SHANK2: variants seen among roughly 807,000 people sequenced by gnomAD.
The protein encoded by SHANK2 is SH3 and multiple ankyrin repeat domains protein 2.
A neutral mutation model predicts 133.7 loss-of-function variants in SHANK2; 43 were observed. That is an observed-to-expected ratio of 0.32 (90% CI 0.25 to 0.41). SHANK2 has a LOEUF of 0.41. Among genes scored for constraint, SHANK2 ranks in the 10% least tolerant of loss-of-function variants. The probability of loss-of-function intolerance (pLI) is 1.00; values close to 1 mark genes in which losing one functional copy is unlikely to be tolerated. For missense variants in SHANK2, 1,994 were observed against 2,235.8 expected (o/e 0.89, Z 2.18); for synonymous variants, 1,017 against 952.8 (o/e 1.07, Z -1.24).
chr11:70,697,405 T>C (rs1242538328), intron 15 of SHANK2, among the ~76,000 whole-genome samples: 5 of 152,142 alleles, frequency 3.3e-5, no homozygotes, highest in Non-Finnish European at 7.3e-5. Flanking sequence ...AAAGATCACG[T>C]AGCGGCTGAT....
intron 17 of SHANK2, among the ~76,000 whole-genome samples, chr11:70,577,329 C>A (rs2060128334): frequency 6.6e-6 from 1 of 152,210 alleles, no homozygotes; most frequent in Non-Finnish European, 1.5e-5. Flanking sequence ...AATGACCCAA[C>A]CATGTGGAGA....
chr11:70,871,112 T>C (rs976219444), intron 11 of SHANK2, among the ~76,000 whole-genome samples: 2 of 152,218 alleles, frequency 1.3e-5, no homozygotes, highest in African/African-American at 4.8e-5. Flanking sequence ...TCAGTCCTAC[T>C]GGATTAGGGC....
intron 14 of SHANK2, among the ~76,000 whole-genome samples, chr11:70,781,986 C>A (rs7938121): frequency 0.78 from 118,355 of 151,834 alleles, 47,110 homozygotes; most frequent in East Asian, 0.98. Flanking sequence ...GCTGGAAACC[C>A]TCATTCTCAG....
intron 12 of SHANK2, among the ~76,000 whole-genome samples, chr11:70,808,324 C>T (rs1948207156): frequency 6.6e-6 from 1 of 152,044 alleles, no homozygotes; most frequent in Non-Finnish European, 1.5e-5. Flanking sequence ...GCCTCAGCCT[C>T]CTGAGTACCT....
intron 2 of SHANK2, among the ~76,000 whole-genome samples, chr11:71,164,190 C>T (rs1376437148): frequency 6.6e-6 from 1 of 152,106 alleles, no homozygotes; most frequent in African/African-American, 2.4e-5. Context: ...GTGTGGCAGT[C>T]AAGACTAGCC....
intron 14 of SHANK2, among the ~76,000 whole-genome samples, chr11:70,730,846 T>C (rs1946275959): frequency 1.3e-5 from 1 of 76,976 alleles, no homozygotes; most frequent in Non-Finnish European, 2.5e-5. Flanking sequence ...TTTTTTTTTG[T>C]AATTTAGGTG....
chr11:70,942,713 T>C, intron 10 of SHANK2: 1 of 456,614 alleles, frequency 2.2e-6, no homozygotes, highest in South Asian at 1.5e-5. Context: ...GGATTATAAG[T>C]ATCTCACCAA....
At chr11:70,557,570 G>A (rs1168080187) in intron 17 of SHANK2, among the ~76,000 whole-genome samples, 1 of 152,168 alleles carries the variant, frequency 6.6e-6, no homozygotes, top group Non-Finnish European at 1.5e-5. Flanking sequence ...CTAAAGCCGG[G>A]AGCAGGGAGC....
chr11:70,678,110 T>C (rs1186505315), intron 15 of SHANK2, among the ~76,000 whole-genome samples: 3 of 152,150 alleles, frequency 2.0e-5, no homozygotes, highest in Admixed American at 1.3e-4. Context: ...GACTTCCTGA[T>C]TTCCTTCTCA....
At chr11:70,653,470 T>C (rs1379416124) in intron 17 of SHANK2, among the ~76,000 whole-genome samples, 2 of 147,956 alleles carry the variant, frequency 1.4e-5, no homozygotes, top group Non-Finnish European at 3.0e-5. Context: ...CAAGACAGAG[T>C]CTTGCTCTGT....
intron 17 of SHANK2, among the ~76,000 whole-genome samples, chr11:70,582,909 G>T (rs2060202269): frequency 2.6e-5 from 4 of 152,334 alleles, no homozygotes; most frequent in South Asian, 2.1e-4. Context: ...ACCCTCAGGT[G>T]TTGGTGAGGT....
In SHANK2 at chr11:71,112,599, T is replaced by C. The variant is rs565415134; in HGVS notation, c.483+694A>G. Reference sequence around the variant, plus strand: ...ACCCCATGCTCTGCAGGGAGTGCAATTGGGCTCTCCTTAGGAACAGCACCA... The same window carrying C: ...ACCCCATGCTCTGCAGGGAGTGCAACTGGGCTCTCCTTAGGAACAGCACCA... On this transcript the variant is annotated intron_variant, in intron 5 of 25. Coordinates refer to ENST00000601538, the MANE Select transcript of SHANK2 (RefSeq NM_012309.5). Among the ~76,000 whole-genome samples the C allele has an allele frequency of 1.6e-3, 243 of 152,168 alleles. No individual in the cohort carries two copies. In the Middle Eastern group the frequency reaches 0.017, roughly 11 times the overall value.
At chr11:71,069,153 C>T (rs1951108830) in intron 9 of SHANK2, among the ~76,000 whole-genome samples, 1 of 151,620 alleles carries the variant, frequency 6.6e-6, no homozygotes, top group Non-Finnish European at 1.5e-5. Flanking sequence ...TCACTATCAC[C>T]ATGACCACCC....
intron 17 of SHANK2, among the ~76,000 whole-genome samples, chr11:70,558,311 T>C (rs1232652057): frequency 6.6e-6 from 1 of 152,208 alleles, no homozygotes; most frequent in Non-Finnish European, 1.5e-5. Flanking sequence ...CTCTGGACAA[T>C]GCCACGGGAG....
intron 14 of SHANK2, among the ~76,000 whole-genome samples, chr11:70,735,898 C>T (rs533543028): frequency 6.6e-6 from 1 of 152,080 alleles, no homozygotes; most frequent in South Asian, 2.1e-4. Context: ...AAACCCTACA[C>T]CCATCACCAT....
In SHANK2 at chr11:71,094,501, C is replaced by G. The variant is rs543895770; in HGVS notation, c.744+36G>C. 11 of 1,536,310 alleles carry G rather than the reference C, an allele frequency of 7.2e-6. No individual in the cohort carries two copies. The East Asian group carries it at 2.7e-4, about 38-fold the overall frequency. On this transcript the variant is annotated intron_variant, in intron 7 of 25. Coordinates refer to ENST00000601538, the MANE Select transcript of SHANK2 (RefSeq NM_012309.5). The stretch of plus-strand genomic sequence containing the variant: ...GGGGCAGCCGCACGGAATCAGAGCA[C>G]GGGGTGGCACCCAAGTAAGATGGGC...
intron 13 of SHANK2, among the ~76,000 whole-genome samples, chr11:70,799,259 A>G (rs911639098): frequency 1.8e-4 from 28 of 152,098 alleles, no homozygotes; most frequent in African/African-American, 6.5e-4. Context: ...TTAGCTGGGC[A>G]TGGTGGCCCA....
intron 11 of SHANK2, among the ~76,000 whole-genome samples, chr11:70,875,287 G>A (rs1375227010): frequency 6.6e-6 from 1 of 152,082 alleles, no homozygotes; most frequent in East Asian, 1.9e-4. Flanking sequence ...TCCGCCCCCA[G>A]TAGAGCTCTG....
rs372711420 is a variant in SHANK2 at position 70,594,973 on chromosome 11, G to A, written c.2061+64855C>T. 6.6e-5 allele frequency among the ~76,000 whole-genome samples: 10 copies of A among 152,226 alleles called. No homozygotes were observed. The East Asian group carries it at 1.5e-3, about 24-fold the overall frequency. On this transcript the variant is annotated intron_variant, in intron 17 of 25. Coordinates refer to ENST00000601538, the MANE Select transcript of SHANK2 (RefSeq NM_012309.5). Reference sequence around the variant, plus strand: ...GACCCTGAACAAATGATGAGAGAAGGGCTTCAGGGCCGGGAGCCGGGAGCC... The same window carrying A: ...GACCCTGAACAAATGATGAGAGAAGAGCTTCAGGGCCGGGAGCCGGGAGCC...
Sources: allele counts gnomAD v4.1 joint callset (sites outside exome capture counted in the v4.1 genomes callset), GRCh38; gene constraint gnomAD v4.1.1; transcripts MANE v1.5; gene names NCBI Gene and HGNC (gene_info 2026-07-23, HGNC 2026-07-21).